Variants in IPO11 observed in about 807,000 individuals in gnomAD.
The protein encoded by IPO11 is importin-11.
In IPO11, 66 loss-of-function variants were observed where a neutral mutation model predicts 143.2. The ratio of observed to expected loss-of-function variants is 0.46; its 90% CI spans 0.38 to 0.57. The LOEUF is 0.57. Among genes scored for constraint, IPO11 ranks in the 20% least tolerant of loss-of-function variants. The probability of loss-of-function intolerance (pLI) is 0.00; values close to 1 mark genes in which losing one functional copy is unlikely to be tolerated. For synonymous variants in IPO11, 385 were observed against 377.8 expected (o/e 1.02, Z -0.22); for missense variants, 1,026 against 1,141.0 (o/e 0.90, Z 1.45).
chr5:62,549,667 T>C (rs541596510), intron 24 of IPO11, among the ~76,000 whole-genome samples: 158 of 152,336 alleles, frequency 1.0e-3, no homozygotes, highest in African/African-American at 3.6e-3. Context: ...TTTTGCTGTT[T>C]CGTGACCACT....
chr5:62,618,276 A>T (rs1238744162), intron 29 of IPO11, among the ~76,000 whole-genome samples: 1 of 152,176 alleles, frequency 6.6e-6, no homozygotes, highest in South Asian at 2.1e-4. Flanking sequence ...ATGACATACA[A>T]CATTGAGATT....
chr5:62,529,529 T>C (rs1370576316), intron 21 of IPO11, among the ~76,000 whole-genome samples: 1 of 152,194 alleles, frequency 6.6e-6, no homozygotes, highest in Non-Finnish European at 1.5e-5. Context: ...CTACATTTTG[T>C]GATTCTTTTT....
chr5:62,437,339 G>A lies in IPO11; in HGVS notation c.60G>A (p.Gln20=). The change falls in exon 2 of 30, where the codon CAG becomes CAA. Residue 20 remains glutamine (Q), a synonymous_variant. Transcript: ENST00000325324. ...AGGTGTTAACACAGGCCACCAGTCA[G>A]GATACTGCTGTGTTAAAACCAGCTG... ...VLQVLTQATS[Q]DTAVLKPAEE... is the part of the protein sequence containing the mutation. The A allele has an allele frequency of 1.2e-6, 2 of 1,612,824 alleles. No homozygotes were observed. The highest frequency in any genetic ancestry group is 2.2e-5 in the South Asian group (2 of 90,890).
chr5:62,605,151 G>A (rs1423427763), intron 29 of IPO11, among the ~76,000 whole-genome samples: 1 of 152,148 alleles, frequency 6.6e-6, no homozygotes, highest in African/African-American at 2.4e-5. Context: ...TAGCTGCTTA[G>A]TTCCAAGGTC....
At chr5:62,490,319 T>C (rs1301923286) in intron 15 of IPO11, 99 bp downstream of exon 15, 11 of 682,176 alleles carry the variant, frequency 1.6e-5, no homozygotes, top group East Asian at 1.6e-4. Flanking sequence ...ATTTAAAAAA[T>C]GCAATCGTAT....
At position 62,613,762 on chromosome 5, in the gene IPO11, G is replaced by A. The variant is rs182329403; in HGVS notation, c.2763+11914G>A. On this transcript the variant is annotated intron_variant, in intron 29 of 29. Transcript: ENST00000325324. ...TCCACCTGGTTCTCTAAGGACACTT[G>A]TACTTGGAAACCAGCCACCATACTA... 3.3e-5 allele frequency among the ~76,000 whole-genome samples: 5 copies of A among 152,194 alleles called. No homozygotes were observed. In the East Asian group the frequency reaches 9.6e-4, roughly 29 times the overall value.
intron 28 of IPO11, among the ~76,000 whole-genome samples, chr5:62,594,088 C>T (rs144006125): frequency 2.0e-5 from 3 of 152,158 alleles, no homozygotes; most frequent in East Asian, 1.9e-4. Flanking sequence ...AGTCTCTTAA[C>T]TGAGTGAATT....
At chr5:62,517,206 G>GA (rs990656273) in intron 20 of IPO11, among the ~76,000 whole-genome samples, 32 of 145,160 alleles carry the variant, frequency 2.2e-4, no homozygotes, top group Non-Finnish European at 4.7e-4. Flanking sequence ...TCAAAAAAAA[G>GA]AAAAAAAAAT....
At chr5:62,493,048 A>G (rs142730250) in intron 15 of IPO11, among the ~76,000 whole-genome samples, 79 of 152,318 alleles carry the variant, frequency 5.2e-4, no homozygotes, top group African/African-American at 1.6e-3. Flanking sequence ...CCTTACCTGA[A>G]CTTTGATTTC....
intron 5 of IPO11, among the ~76,000 whole-genome samples, chr5:62,457,933 G>A (rs1441006704): frequency 6.6e-6 from 1 of 152,104 alleles, no homozygotes; most frequent in Non-Finnish European, 1.5e-5. Flanking sequence ...CGGATCACGA[G>A]GTCAGGAGAT....
intron 19 of IPO11, among the ~76,000 whole-genome samples, chr5:62,513,091 G>A (rs1305736731): frequency 2.7e-5 from 4 of 149,888 alleles, no homozygotes; most frequent in African/African-American, 9.8e-5. Flanking sequence ...TTCTCAATGA[G>A]CTGTTGGGTA....
intron 29 of IPO11, among the ~76,000 whole-genome samples, chr5:62,609,598 T>G (rs1223014625): frequency 2.0e-5 from 3 of 152,236 alleles, no homozygotes; most frequent in Non-Finnish European, 4.4e-5. Flanking sequence ...TAGACCAGTG[T>G]AGAGACAGAA....
intron 27 of IPO11, among the ~76,000 whole-genome samples, chr5:62,572,032 A>G (rs1744147040): frequency 6.6e-6 from 1 of 152,162 alleles, no homozygotes; most frequent in Non-Finnish European, 1.5e-5. Flanking sequence ...AAGGCTAATT[A>G]CCCACCCAAA....
intron 29 of IPO11, among the ~76,000 whole-genome samples, chr5:62,613,244 A>C (rs1338571055): frequency 6.8e-6 from 1 of 146,792 alleles, no homozygotes; most frequent in Non-Finnish European, 1.5e-5. Flanking sequence ...GTCCCATGGT[A>C]GATTTTATTT....
chr5:62,544,597 C>A (rs1743087007), intron 24 of IPO11, among the ~76,000 whole-genome samples: 1 of 152,120 alleles, frequency 6.6e-6, no homozygotes, highest in Non-Finnish European at 1.5e-5. Flanking sequence ...GAAGTTCTGG[C>A]CAGGGCAATC....
intron 24 of IPO11, among the ~76,000 whole-genome samples, chr5:62,547,332 A>T (rs899820107): frequency 6.6e-6 from 1 of 152,088 alleles, no homozygotes; most frequent in African/African-American, 2.4e-5. Context: ...TTTCATATGG[A>T]TTTCCCACAG....
chr5:62,513,739 C>T (rs1162472751), intron 19 of IPO11, among the ~76,000 whole-genome samples: 1 of 151,242 alleles, frequency 6.6e-6, no homozygotes, highest in Non-Finnish European at 1.5e-5. Context: ...GGGCTGACCC[C>T]CACCTCCCTC....
intron 29 of IPO11, among the ~76,000 whole-genome samples, chr5:62,610,218 A>T (rs1030356889): frequency 6.6e-6 from 1 of 152,174 alleles, no homozygotes; most frequent in Non-Finnish European, 1.5e-5. Flanking sequence ...AGAGGTACTC[A>T]TATTTGTTAC....
chr5:62,503,035 G>C (rs1435238487), intron 16 of IPO11, among the ~76,000 whole-genome samples: 1 of 152,068 alleles, frequency 6.6e-6, no homozygotes, highest in Non-Finnish European at 1.5e-5. Flanking sequence ...ATGTTGGCCA[G>C]TCTGGTCTCG....
Sources: gnomAD v4.1 joint callset for allele counts (sites outside exome capture counted in the v4.1 genomes callset) on GRCh38, gnomAD v4.1.1 for gene constraint, MANE v1.5 for transcripts, NCBI Gene and HGNC (gene_info 2026-07-23, HGNC 2026-07-21) for gene names.